DYM: variants seen among roughly 807,000 people sequenced by gnomAD.
DYM encodes the protein dymeclin, also known as dyggve-Melchior-Clausen syndrome protein.
Under a neutral mutation model 93.1 loss-of-function variants are expected in DYM, and 78 were observed. The observed-to-expected ratio is 0.84, with a 90% confidence interval of 0.70 to 1.01. The LOEUF (loss-of-function observed/expected upper bound fraction) is 1.01. Ranked by LOEUF, DYM falls within the 50% of genes least tolerant of loss-of-function variation. The pLI, the probability that DYM is intolerant of heterozygous loss-of-function variation, is 0.00. For synonymous variants in DYM, 321 were observed against 319.7 expected, an observed-to-expected ratio of 1.00 and a Z score of -0.04; for missense variants, 789 against 845.0, an observed-to-expected ratio of 0.93 and a Z score of 0.82.
rs2059933357 is a variant in DYM at position 49,289,742 on chromosome 18, T to TATATATATATATACAC, written c.764-3127_764-3126insGTGTATATATATATAT. 1.3e-3 allele frequency among the ~76,000 whole-genome samples: 28 copies of TATATATATATATACAC among 20,962 alleles called. 1 individual carries two copies. Among genetic ancestry groups the TATATATATATATACAC allele is most frequent in the Non-Finnish European group, 2.0e-4 (2 of 10,136 alleles). The allele number at this position is 20,962 out of a possible 152,430, so 13.8% of individuals were successfully genotyped here. On this transcript the variant is annotated intron_variant, in intron 8 of 17. Coordinates refer to ENST00000675505, the MANE Select transcript of DYM (RefSeq NM_001353214.3). ...ATATATATGTGTATATATATATATA[T>TATATATATATATACAC]ATATATATATATATATATATATATA...
At chr18:49,257,429 C>T (rs2094410586) in intron 12 of DYM, among the ~76,000 whole-genome samples, 1 of 152,132 alleles carries the variant, frequency 6.6e-6, no homozygotes, top group Non-Finnish European at 1.5e-5. Flanking sequence ...AGTATATAAA[C>T]TATAATTATC....
At chr18:49,171,087 C>T (rs1309025729) in intron 14 of DYM, among the ~76,000 whole-genome samples, 1 of 152,104 alleles carries the variant, frequency 6.6e-6, no homozygotes, top group Non-Finnish European at 1.5e-5. Context: ...TGACTTTATC[C>T]ACTGTCAGAG....
intron 13 of DYM, among the ~76,000 whole-genome samples, chr18:49,216,959 C>A (rs1055747933): frequency 2.6e-5 from 4 of 152,132 alleles, no homozygotes; most frequent in Admixed American, 2.6e-4. Flanking sequence ...GTACTCCGAG[C>A]TACAGGAGGA....
intron 1 of DYM, among the ~76,000 whole-genome samples, chr18:49,440,263 C>A (rs1204646080): frequency 7.1e-6 from 1 of 139,914 alleles, no homozygotes; most frequent in African/African-American, 2.6e-5. Context: ...TTTGTCCCTT[C>A]TCAGGCTGAT....
At position 49,108,175 on chromosome 18, in the gene DYM, G is replaced by A. The variant is rs532435561; in HGVS notation, c.1911+10569C>T. 9.8e-5 allele frequency among the ~76,000 whole-genome samples: 15 copies of A among 152,308 alleles called. No homozygotes were observed. The South Asian group carries it at 3.1e-3, about 32-fold the overall frequency. ...TCAGACTACTGTGCTAGCAATGAGC[G>A]AGGCTCCATGGGTGTAGGACCCTCC... On this transcript the variant is annotated intron_variant, in intron 16 of 17. Transcript: ENST00000675505.
intron 5 of DYM, among the ~76,000 whole-genome samples, chr18:49,378,256 G>A (rs115983532): frequency 1.1e-3 from 175 of 152,250 alleles, no homozygotes; most frequent in African/African-American, 3.9e-3. Context: ...TTTTCTGAAA[G>A]AAATACATAT....
chr18:49,399,933 TC>T lies in DYM; in HGVS notation c.141-8289del, dbSNP rs1372161130. Among the ~76,000 whole-genome samples, 64 of 114,680 alleles carry T rather than the reference TC, an allele frequency of 5.6e-4. 2 individuals are homozygous for T. The highest frequency in any genetic ancestry group is 3.7e-3 in the East Asian group (9 of 2,442). 75.2% of individuals were successfully genotyped at this position (114,680 alleles called of 152,430 possible). A position where few individuals can be genotyped will look rare whatever the true frequency, so the allele number is the denominator to read the frequency against. Reference sequence around the variant, plus strand: ...TTTAAAAGACATTTATTTTTATTTTTCTTTTTTTTTTTTTTTTTTTTTTTTT... The same window carrying T: ...TTTAAAAGACATTTATTTTTATTTTTTTTTTTTTTTTTTTTTTTTTTTTTT... On this transcript the variant is annotated intron_variant, in intron 2 of 17. Coordinates refer to ENST00000675505, the MANE Select transcript of DYM (RefSeq NM_001353214.3).
At chr18:49,048,265 T>C (rs923050709) in intron 17 of DYM, 1 of 152,166 alleles carries the variant, frequency 6.6e-6, no homozygotes, top group Non-Finnish European at 1.5e-5. Context: ...TCCATGATAA[T>C]GGAGATGAAA....
chr18:49,323,357 C>G (rs1649114198), intron 8 of DYM, among the ~76,000 whole-genome samples: 1 of 152,128 alleles, frequency 6.6e-6, no homozygotes, highest in Admixed American at 6.5e-5. Flanking sequence ...AGATCAGTAG[C>G]CTTCCAAATT....
intron 3 of DYM, 50 bp downstream of exon 3, chr18:49,391,543 T>C: frequency 1.3e-6 from 2 of 1,553,622 alleles, no homozygotes; most frequent in Non-Finnish European, 1.8e-6. Flanking sequence ...ACTATCAAAA[T>C]CTAAAACAAA....
At chr18:49,289,086 T>A (rs2059853399) in intron 8 of DYM, among the ~76,000 whole-genome samples, 1 of 152,080 alleles carries the variant, frequency 6.6e-6, no homozygotes, top group African/African-American at 2.4e-5. Context: ...CAGAGCTACA[T>A]GTATTTGATA....
At chr18:49,391,394 A>T in intron 3 of DYM, 199 bp downstream of exon 3, 1 of 579,678 alleles carries the variant, frequency 1.7e-6, no homozygotes. Flanking sequence ...CCACTACTGC[A>T]GATATAGCCA....
rs988003423 is a variant in DYM, at chr18:49,429,716, TAA to T, written c.140+537_140+538del. On this transcript the variant is annotated intron_variant, in intron 2 of 17. Coordinates refer to ENST00000675505, the MANE Select transcript of DYM (RefSeq NM_001353214.3). ...CAATTCTACTTCAAGGAATTTATACTAAAGATATATTGTGTGTATGAAAAATG... is the reference window on the plus strand; with the variant it reads ...CAATTCTACTTCAAGGAATTTATACTAGATATATTGTGTGTATGAAAAATG... Among the ~76,000 whole-genome samples the T allele has an allele frequency of 9.2e-5, 14 of 152,304 alleles. No homozygotes were observed. The South Asian group carries it at 1.0e-3, about 11-fold the overall frequency.
intron 2 of DYM, among the ~76,000 whole-genome samples, chr18:49,395,945 G>C (rs2070016602): frequency 6.6e-6 from 1 of 152,174 alleles, no homozygotes; most frequent in Admixed American, 6.5e-5. Context: ...CTTATGAACA[G>C]ACTGATACCC....
intron 2 of DYM, among the ~76,000 whole-genome samples, chr18:49,394,796 T>C (rs974190948): frequency 3.3e-5 from 5 of 152,192 alleles, no homozygotes; most frequent in Non-Finnish European, 7.3e-5. Flanking sequence ...GTAAATGTAT[T>C]ACCTTATTTC....
chr18:49,405,651 G>A (rs1318394358), intron 2 of DYM, among the ~76,000 whole-genome samples: 4 of 152,084 alleles, frequency 2.6e-5, no homozygotes, highest in Non-Finnish European at 5.9e-5. Context: ...ATACTTAGAG[G>A]TCAGATAATG....
intron 10 of DYM, among the ~76,000 whole-genome samples, chr18:49,280,458 G>A (rs919309943): frequency 2.0e-5 from 3 of 152,252 alleles, no homozygotes; most frequent in South Asian, 2.1e-4. Flanking sequence ...CAACTGTGAC[G>A]AGTAACATGA....
intron 8 of DYM, among the ~76,000 whole-genome samples, chr18:49,300,168 C>T (rs975066784): frequency 6.7e-6 from 1 of 148,604 alleles, no homozygotes; most frequent in Admixed American, 6.7e-5. Flanking sequence ...AAGATTGAAG[C>T]CTGAATTATG....
intron 17 of DYM, among the ~76,000 whole-genome samples, chr18:49,066,431 G>A (rs1160042239): frequency 6.6e-6 from 1 of 152,182 alleles, no homozygotes; most frequent in Non-Finnish European, 1.5e-5. Context: ...ATTGAAACAT[G>A]TTGGGTTTGG....
Sources: gnomAD v4.1 joint callset for allele counts (sites outside exome capture counted in the v4.1 genomes callset) on GRCh38, gnomAD v4.1.1 for gene constraint, MANE v1.5 for transcripts, NCBI Gene and HGNC (gene_info 2026-07-23, HGNC 2026-07-21) for gene names.